GPC5: variants seen among roughly 807,000 people sequenced by gnomAD.
GPC5 encodes the protein glypican 5.
In GPC5, 47 loss-of-function variants were observed where a neutral mutation model predicts 53.9. That is an observed-to-expected ratio of 0.87 (90% confidence interval 0.69 to 1.11). The LOEUF (loss-of-function observed/expected upper bound fraction) is 1.11, where lower values mean the gene tolerates loss of function less well. GPC5 is among the 50% of genes most tolerant of loss of function. GPC5 has a pLI of 0.00. For synonymous variants in GPC5, 286 were observed against 263.3 expected (o/e 1.09, Z -0.84); for missense variants, 748 against 713.1 (o/e 1.05, Z -0.56).
chr13:92,481,525 G>A (rs968610128), intron 7 of GPC5, among the ~76,000 whole-genome samples: 6 of 152,100 alleles, frequency 3.9e-5, no homozygotes, highest in African/African-American at 1.2e-4. Context: ...CTTTGTATCC[G>A]GAAAGCAAAA....
intron 4 of GPC5, among the ~76,000 whole-genome samples, chr13:91,745,188 A>C (rs2037021113): frequency 2.0e-5 from 3 of 151,902 alleles, no homozygotes; most frequent in African/African-American, 7.2e-5. Context: ...CTAATTTTGA[A>C]AACCCAGTTT....
intron 7 of GPC5, among the ~76,000 whole-genome samples, chr13:92,561,553 TA>T (rs1882693890): frequency 6.6e-6 from 1 of 152,072 alleles, no homozygotes; most frequent in Non-Finnish European, 1.5e-5. Flanking sequence ...TAGTAAGCAC[TA>T]TACAAATGTC....
At chr13:92,490,866 T>C (rs543425419) in intron 7 of GPC5, among the ~76,000 whole-genome samples, 1 of 152,186 alleles carries the variant, frequency 6.6e-6, no homozygotes, top group Admixed American at 6.5e-5. Flanking sequence ...AAGCTAATTA[T>C]TGGAGGCAAG....
chr13:92,416,467 G>GTCTTA (rs1876295292), intron 7 of GPC5, among the ~76,000 whole-genome samples: 1 of 152,150 alleles, frequency 6.6e-6, no homozygotes, highest in East Asian at 1.9e-4. Context: ...ACAAAGCAAT[G>GTCTTA]GAGATAGAAT....
intron 2 of GPC5, among the ~76,000 whole-genome samples, chr13:91,621,554 G>C (rs892987784): frequency 6.6e-6 from 1 of 151,860 alleles, no homozygotes; most frequent in Admixed American, 6.6e-5. Context: ...TGAAAGTCTG[G>C]AGGTCCTGAT....
chr13:92,231,705 C>T (rs768835080), intron 7 of GPC5, among the ~76,000 whole-genome samples: 3 of 152,078 alleles, frequency 2.0e-5, no homozygotes, highest in Non-Finnish European at 4.4e-5. Context: ...AGGTGGCTTA[C>T]GCCTGTAATC....
chr13:92,402,564 G>T (rs1875605394), intron 7 of GPC5, among the ~76,000 whole-genome samples: 1 of 152,174 alleles, frequency 6.6e-6, no homozygotes, highest in South Asian at 2.1e-4. Context: ...TGTGTTGGGG[G>T]ATGGTTTCAG....
At chr13:92,410,734 T>A (rs956190101) in intron 7 of GPC5, among the ~76,000 whole-genome samples, 3 of 152,190 alleles carry the variant, frequency 2.0e-5, no homozygotes, top group Non-Finnish European at 4.4e-5. Context: ...AAAAACCGGA[T>A]TAAATTGTTC....
intron 7 of GPC5, among the ~76,000 whole-genome samples, chr13:92,324,588 A>G (rs2043237848): frequency 6.6e-6 from 1 of 151,936 alleles, no homozygotes; most frequent in South Asian, 2.1e-4. Flanking sequence ...GGCTGGCATA[A>G]TAAATAACTG....
At chr13:92,400,269 A>G (rs979649252) in intron 7 of GPC5, among the ~76,000 whole-genome samples, 1 of 152,198 alleles carries the variant, frequency 6.6e-6, no homozygotes, top group Non-Finnish European at 1.5e-5. Context: ...GCTCCAAAGT[A>G]TCTAGAGACA....
chr13:91,477,985 G>C (rs1176029719), intron 2 of GPC5, among the ~76,000 whole-genome samples: 1 of 151,952 alleles, frequency 6.6e-6, no homozygotes, highest in Non-Finnish European at 1.5e-5. Flanking sequence ...TTTCCAAGTT[G>C]TGTTTTTTTC....
chr13:91,972,753 T>G (rs1368115022), intron 6 of GPC5, among the ~76,000 whole-genome samples: 2 of 150,126 alleles, frequency 1.3e-5, no homozygotes, highest in African/African-American at 4.9e-5. Flanking sequence ...TATGAAATTC[T>G]GGGTTGAAAA....
intron 5 of GPC5, among the ~76,000 whole-genome samples, chr13:91,823,618 T>C (rs1331088888): frequency 6.6e-6 from 1 of 152,126 alleles, no homozygotes; most frequent in Non-Finnish European, 1.5e-5. Context: ...TTTACTTTCT[T>C]GAACTTGAAA....
intron 7 of GPC5, among the ~76,000 whole-genome samples, chr13:92,253,892 A>C (rs1594039632): frequency 6.6e-6 from 1 of 152,104 alleles, no homozygotes; most frequent in East Asian, 1.9e-4. Context: ...GATAGTTTGA[A>C]GAGGATTTGT....
At chr13:91,877,905 T>C (rs968319352) in intron 5 of GPC5, among the ~76,000 whole-genome samples, 4 of 152,130 alleles carry the variant, frequency 2.6e-5, no homozygotes, top group Admixed American at 6.5e-5. Context: ...GGCCGGTCTT[T>C]CCTGTGCTTT....
At chr13:92,705,483 A>G (rs943617562) in intron 7 of GPC5, among the ~76,000 whole-genome samples, 5 of 152,168 alleles carry the variant, frequency 3.3e-5, no homozygotes, top group East Asian at 3.9e-4. Flanking sequence ...CTGTAAGTGT[A>G]AAGTATACAG....
chr13:91,496,894 A>G (rs1423040610), intron 2 of GPC5, among the ~76,000 whole-genome samples: 1 of 152,204 alleles, frequency 6.6e-6, no homozygotes, highest in African/African-American at 2.4e-5. Context: ...CCCCATAAAT[A>G]TATGCACCTA....
chr13:92,387,441 T>C (rs1181731999), intron 7 of GPC5, among the ~76,000 whole-genome samples: 1 of 152,080 alleles, frequency 6.6e-6, no homozygotes, highest in South Asian at 2.1e-4. Flanking sequence ...ATTATCTTGA[T>C]TGCAAATGTA....
intron 7 of GPC5, among the ~76,000 whole-genome samples, chr13:92,553,793 G>A (rs1882400968): frequency 6.6e-6 from 1 of 151,836 alleles, no homozygotes; most frequent in Non-Finnish European, 1.5e-5. Flanking sequence ...ATTTATGTGG[G>A]TCACAGCCTA....
Sources: gnomAD v4.1 joint callset for allele counts (sites outside exome capture counted in the v4.1 genomes callset) on GRCh38, gnomAD v4.1.1 for gene constraint, MANE v1.5 for transcripts, NCBI Gene and HGNC (gene_info 2026-07-23, HGNC 2026-07-21) for gene names.